The following GLRB variants were observed in gnomAD, a reference collection of about 807,000 sequenced individuals.
The protein encoded by GLRB is glycine receptor beta, also known as glycine receptor subunit beta.
A neutral mutation model predicts 54.2 loss-of-function variants in GLRB; 33 were observed. That is an observed-to-expected ratio of 0.61 (90% CI 0.46 to 0.81). The LOEUF is 0.81. Among genes scored for constraint, GLRB ranks in the 40% least tolerant of loss-of-function variants. GLRB has a pLI of 0.00. For synonymous variants in GLRB, 209 were observed against 208.2 expected (o/e 1.00, Z -0.03); for missense variants, 572 against 584.6 (o/e 0.98, Z 0.22).
intron 2 of GLRB, among the ~76,000 whole-genome samples, chr4:157,119,735 C>T (rs549395843): frequency 6.6e-6 from 1 of 151,788 alleles, no homozygotes; most frequent in East Asian, 2.0e-4. Flanking sequence ...CAGGAAACAA[C>T]AGGTGCTGGA....
chr4:157,163,415 T>TA (rs1295906894), intron 9 of GLRB, among the ~76,000 whole-genome samples: 4 of 152,008 alleles, frequency 2.6e-5, no homozygotes, highest in African/African-American at 9.7e-5. Context: ...CTGGGAGGGG[T>TA]AGACTGGAGC....
chr4:157,150,529 A>G (rs1736982671), intron 8 of GLRB, among the ~76,000 whole-genome samples: 1 of 152,048 alleles, frequency 6.6e-6, no homozygotes, highest in Non-Finnish European at 1.5e-5. Context: ...AAACATCTTT[A>G]CCTCACAAAG....
intron 1 of GLRB, among the ~76,000 whole-genome samples, chr4:157,077,293 G>T (rs1476801198): frequency 1.3e-5 from 2 of 152,074 alleles, no homozygotes; most frequent in Non-Finnish European, 2.9e-5. Flanking sequence ...ATTTCTTGTT[G>T]TAGAATTTCT....
intron 1 of GLRB, 150 bp from the exon 2 acceptor site, chr4:157,077,846 T>C (rs35061507): frequency 1.9e-6 from 1 of 520,012 alleles, no homozygotes; most frequent in Non-Finnish European, 3.4e-6. Context: ...AAATATGTTG[T>C]GAAGTATTAC....
intron 2 of GLRB, among the ~76,000 whole-genome samples, chr4:157,082,885 G>A (rs1390250667): frequency 1.3e-5 from 2 of 151,348 alleles, no homozygotes. Context: ...GGTAAGTATA[G>A]GATGAGGAAG....
intron 4 of GLRB, among the ~76,000 whole-genome samples, chr4:157,123,634 TACTATATATGACTCAAGAGAC>T (rs1167638804): frequency 6.6e-6 from 1 of 151,794 alleles, no homozygotes; most frequent in East Asian, 1.9e-4. Flanking sequence ...AAATATAAAC[TACTATATATGACTCAAGAGAC>T]ACTATAGCAC....
intron 2 of GLRB, among the ~76,000 whole-genome samples, chr4:157,108,119 A>G (rs2126499539): frequency 6.6e-6 from 1 of 152,220 alleles, no homozygotes; most frequent in East Asian, 1.9e-4. Flanking sequence ...ATTACTGCTC[A>G]TTGACAATGC....
intron 6 of GLRB, among the ~76,000 whole-genome samples, chr4:157,137,299 A>G (rs1736438238): frequency 6.6e-6 from 1 of 152,168 alleles, no homozygotes. Context: ...ATTCTCTATG[A>G]AAGTAAAGAA....
At chr4:157,113,525 A>G (rs576787199) in intron 2 of GLRB, among the ~76,000 whole-genome samples, 1 of 152,162 alleles carries the variant, frequency 6.6e-6, no homozygotes, top group East Asian at 1.9e-4. Context: ...AAAAGTGACC[A>G]ACAGATAGCC....
chr4:157,115,678 C>A (rs1030371009), intron 2 of GLRB, among the ~76,000 whole-genome samples: 1 of 151,696 alleles, frequency 6.6e-6, no homozygotes, highest in Non-Finnish European at 1.5e-5. Flanking sequence ...ATTTTGTATA[C>A]CCTTTTTGGG....
At position 157,136,617 on chromosome 4, in the gene GLRB, A is replaced by G. The variant is rs140878124; in HGVS notation, c.446A>G (p.Lys149Arg). Residue 149 changes from lysine (K) to arginine (R), a missense_variant, in exon 5 of 10, where the codon AAA becomes AGA. Transcript: ENST00000264428. ...WKPDLFFANEKSANFHDVTQE... is the reference protein window; with the variant it reads ...WKPDLFFANERSANFHDVTQE... ...CCTGATTTATTTTTTGCAAATGAAA[A>G]AAGTGCCAATTTTCATGATGTGACC... is the stretch of plus-strand genomic sequence containing the variant. The G allele has an allele frequency of 6.2e-7, 1 of 1,613,492 alleles. No individual in the cohort carries two copies. Among genetic ancestry groups the G allele is most frequent in the African/African-American group, 1.3e-5 (1 of 74,900 alleles).
chr4:157,115,645 T>C (rs1735582481), intron 2 of GLRB, among the ~76,000 whole-genome samples: 1 of 151,766 alleles, frequency 6.6e-6, no homozygotes, highest in African/African-American at 2.4e-5. Flanking sequence ...GGTCTACTCG[T>C]CCAGGAACCC....
At chr4:157,080,434 A>C (rs1734183922) in intron 2 of GLRB, among the ~76,000 whole-genome samples, 1 of 152,050 alleles carries the variant, frequency 6.6e-6, no homozygotes, top group African/African-American at 2.4e-5. Context: ...TACCTTGGAG[A>C]GTTAGAGTTG....
At chr4:157,087,377 G>GA (rs1211709363) in intron 2 of GLRB, among the ~76,000 whole-genome samples, 4 of 152,026 alleles carry the variant, frequency 2.6e-5, no homozygotes, top group Non-Finnish European at 5.9e-5. Flanking sequence ...TAATCTATCT[G>GA]AGTCTCAGTT....
chr4:157,093,009 T>C (rs1734674793), intron 2 of GLRB, among the ~76,000 whole-genome samples: 1 of 152,204 alleles, frequency 6.6e-6, no homozygotes, highest in African/African-American at 2.4e-5. Context: ...TTTTCATTAA[T>C]GTTCTTGCCA....
intron 2 of GLRB, among the ~76,000 whole-genome samples, chr4:157,105,503 A>G (rs539829808): frequency 1.3e-5 from 2 of 152,108 alleles, no homozygotes; most frequent in South Asian, 4.2e-4. Flanking sequence ...CTGCTGTTGG[A>G]TGAAATGTTC....
intron 9 of GLRB, among the ~76,000 whole-genome samples, chr4:157,154,423 C>CTTTTTT (rs778002566): frequency 3.1e-4 from 32 of 103,454 alleles, no homozygotes; most frequent in Non-Finnish European, 3.7e-4. Flanking sequence ...CTTCTTTTTC[C>CTTTTTT]TTTTTTTTTT....
rs947273234 is a variant in GLRB at position 157,114,973 on chromosome 4, G to A, written c.123-5583G>A. On this transcript the variant is annotated intron_variant, in intron 2 of 9. Coordinates refer to ENST00000264428, the MANE Select transcript of GLRB (RefSeq NM_000824.5). ...TGCAGACTGAACTCTTTGGAAGGGA[G>A]TCACTATGCACAGCTCACACTAAGG... Among the ~76,000 whole-genome samples, 17 of 151,590 alleles carry A rather than the reference G, an allele frequency of 1.1e-4. No homozygotes were observed. In the South Asian group the frequency reaches 1.5e-3, roughly 13 times the overall value.
At chr4:157,148,834 A>G (rs969112301) in intron 8 of GLRB, among the ~76,000 whole-genome samples, 4 of 152,054 alleles carry the variant, frequency 2.6e-5, no homozygotes, top group Non-Finnish European at 5.9e-5. Context: ...TTCTGTAAGT[A>G]TCATTACCGT....
Sources: allele counts gnomAD v4.1 joint callset (sites outside exome capture counted in the v4.1 genomes callset), GRCh38; gene constraint gnomAD v4.1.1; transcripts MANE v1.5; gene names NCBI Gene and HGNC (gene_info 2026-07-23, HGNC 2026-07-21).